POTEC: variants seen among roughly 807,000 people sequenced by gnomAD.
POTEC encodes POTE ankyrin domain family member C, also known as ANKRD26-like family B member 2.
In POTEC, 35 loss-of-function variants were observed where a neutral mutation model predicts 62.0. The ratio of observed to expected loss-of-function variants is 0.56; its 90% CI spans 0.43 to 0.75. POTEC has a LOEUF of 0.75. Among genes scored for constraint, POTEC ranks in the 30% least tolerant of loss-of-function variants. POTEC has a pLI of 0.00. For synonymous variants in POTEC, 156 were observed against 221.5 expected, an observed-to-expected ratio of 0.70 and a Z score of 2.62; for missense variants, 472 against 655.9, an observed-to-expected ratio of 0.72 and a Z score of 3.06.
rs752472831 is a variant in POTEC, at chr18:14,542,673, G to C, written c.474C>G (p.Ile158Met). The C allele has an allele frequency of 5.6e-6, 9 of 1,612,798 alleles. No homozygotes were observed. The Middle Eastern group carries it at 1.1e-3, about 203-fold the overall frequency. The change falls in exon 1 of 11, where the codon ATC becomes ATG. Residue 158 changes from isoleucine (I) to methionine (M), a missense_variant. Around this residue, in one of 5 missense-constraint regions of POTEC, gnomAD observed 257 missense variants for 250.7 expected, o/e 1.03. Coordinates refer to ENST00000358970, the MANE Select transcript of POTEC (RefSeq NM_001137671.2). Reference sequence around the variant, plus strand: ...TCATGTCCGTGTCCCTGAGCATGACGATGAGATCCTTTCTGGGGACCTTAC... The same window carrying C: ...TCATGTCCGTGTCCCTGAGCATGACCATGAGATCCTTTCTGGGGACCTTAC... ...WWGKVPRKDL[I>M]VMLRDTDMNK...
In POTEC at chr18:14,535,013, A is replaced by C. The variant is rs1371203835; in HGVS notation, c.811-6T>G. On this transcript the variant is annotated splice_polypyrimidine_tract_variant and splice_region_variant and intron_variant, in intron 3 of 10. Transcript: ENST00000358970. ...AAAAGTGGTGTGAGGCCACACTGTA[A>C]AACAATATAAAACAAAAACAATATG... 2 of 1,577,200 alleles carry C rather than the reference A, an allele frequency of 1.3e-6. No homozygotes were observed. The highest frequency in any genetic ancestry group is 1.7e-6 in the Non-Finnish European group (2 of 1,162,568).
rs1216079446 is a variant in POTEC, at chr18:14,543,098, G to C, written c.49C>G (p.Pro17Ala). Residue 17 changes from proline to alanine, a missense_variant, in exon 1 of 11, where the codon CCA becomes GCA. Transcript: ENST00000358970. ...SMPAASAVKKPFDLRSKMGKW... is the reference protein window; with the variant it reads ...SMPAASAVKKAFDLRSKMGKW... ...CCCATCTTGCTCCTGAGATCGAATG[G>C]CTTCTTCACAGCAGAGGCAGCGGGC... The C allele has an allele frequency of 1.2e-6, 2 of 1,613,970 alleles. No homozygotes were observed. Among genetic ancestry groups the C allele is most frequent in the South Asian group, 2.2e-5 (2 of 91,076 alleles).
chr18:14,531,556 A>G (rs1905517747), intron 5 of POTEC: 1 of 152,056 alleles, frequency 6.6e-6, no homozygotes, highest in African/African-American at 2.4e-5. Context: ...ACCATCTTCC[A>G]TGACTATTTT....
At chr18:14,525,880 C>A (rs1238949061) in intron 6 of POTEC, among the ~76,000 whole-genome samples, 7 of 152,170 alleles carry the variant, frequency 4.6e-5, no homozygotes, top group Non-Finnish European at 1.0e-4. Flanking sequence ...ACTATTATGA[C>A]AAATTTATAT....
intron 6 of POTEC, chr18:14,529,119 T>A: frequency 2.4e-6 from 1 of 420,860 alleles, no homozygotes; most frequent in Non-Finnish European, 4.7e-6. Flanking sequence ...TCATTCCTCA[T>A]CACATATGTC....
rs574343498 is a variant in POTEC at position 14,535,968 on chromosome 18, C to T, written c.811-961G>A. Among the ~76,000 whole-genome samples the T allele has an allele frequency of 1.1e-4, 16 of 151,962 alleles. No individual in the cohort carries two copies. In the South Asian group the frequency reaches 3.3e-3, roughly 32 times the overall value. ...AATATTCATTTTAATGTCCCAACGA[C>T]AGAGATAAGTCAGACTAGGCCAGGA... On this transcript the variant is annotated intron_variant, in intron 3 of 10. Coordinates refer to ENST00000358970, the MANE Select transcript of POTEC (RefSeq NM_001137671.2).
At chr18:14,537,200 C>CAA (rs1905753050) in intron 3 of POTEC, among the ~76,000 whole-genome samples, 3 of 82,402 alleles carry the variant, frequency 3.6e-5, no homozygotes, top group South Asian at 5.5e-4. Flanking sequence ...CACACACACA[C>CAA]ACACACACAC....
chr18:14,533,197 T>A lies in POTEC; in HGVS notation c.919A>T (p.Thr307Ser). The A allele has an allele frequency of 6.2e-7, 1 of 1,607,680 alleles. No homozygotes were observed. Among genetic ancestry groups the A allele is most frequent in the Non-Finnish European group, 8.5e-7 (1 of 1,178,596 alleles). The change falls in exon 5 of 11, where the codon ACT becomes TCT. Residue 307 changes from threonine to serine, a missense_variant and splice_region_variant. Physicochemically the swap from Thr to Ser is moderately conservative, Grantham distance 58. This residue lies in a region of POTEC where 83 missense variants were observed against 254.3 expected (regional missense o/e 0.33). Coordinates refer to ENST00000358970, the MANE Select transcript of POTEC (RefSeq NM_001137671.2). Reference protein sequence around the residue: ...NLNALDRYGRTALILAVCCGS... With the variant: ...NLNALDRYGRSALILAVCCGS... ...CAACATACAGCAAGTATGAGGGCAG[T>A]TCTAAAATTACAGAGATAATTTCTC...
At chr18:14,514,486 A>G (rs934262388) in intron 9 of POTEC, among the ~76,000 whole-genome samples, 1 of 152,226 alleles carries the variant, frequency 6.6e-6, no homozygotes, top group East Asian at 1.9e-4. Context: ...TATTTTTTGG[A>G]AACAGTTTCC....
chr18:14,521,425 G>C (rs1478196367), intron 9 of POTEC, among the ~76,000 whole-genome samples: 1 of 151,982 alleles, frequency 6.6e-6, no homozygotes, highest in Non-Finnish European at 1.5e-5. Flanking sequence ...TTATTTTCTG[G>C]GTATGAAAAT....
At chr18:14,534,111 T>C in intron 4 of POTEC, among the ~76,000 whole-genome samples, 1 of 123,912 alleles carries the variant, frequency 8.1e-6, no homozygotes, top group African/African-American at 3.1e-5. Flanking sequence ...AGTGTGATAT[T>C]CCCCTTCCTG....
At chr18:14,537,210 CAAAAA>C (rs869231004) in intron 3 of POTEC, among the ~76,000 whole-genome samples, 17 of 65,496 alleles carry the variant, frequency 2.6e-4, no homozygotes, top group African/African-American at 1.4e-3. Flanking sequence ...CACACACACA[CAAAAA>C]AAAAAAAAAA....
At position 14,542,666 on chromosome 18, in the gene POTEC, G is replaced by C. The variant is rs1225821938; in HGVS notation, c.481C>G (p.Leu161Val). 2 of 1,612,782 alleles carry C rather than the reference G, an allele frequency of 1.2e-6. No individual in the cohort carries two copies. The highest frequency in any genetic ancestry group is 2.2e-5 in the East Asian group (1 of 44,850). The change falls in exon 1 of 11, where the codon CTC becomes GTC. Residue 161 changes from leucine to valine, a missense_variant. Leu to Val is a conservative substitution (Grantham distance 32, BLOSUM62 1). Transcript: ENST00000358970. ...KVPRKDLIVM[L>V]RDTDMNKRDK... ...CTCTTGTTCATGTCCGTGTCCCTGA[G>C]CATGACGATGAGATCCTTTCTGGGG...
At chr18:14,533,525 C>T (rs1382850517) in intron 4 of POTEC, among the ~76,000 whole-genome samples, 2 of 152,070 alleles carry the variant, frequency 1.3e-5, no homozygotes, top group Non-Finnish European at 2.9e-5. Context: ...AAGATTTTGT[C>T]ACAGCTTCCC....
At position 14,543,230 on chromosome 18, in the gene POTEC, G is replaced by C. The variant is rs1046797856; in HGVS notation, c.-84C>G. 20 of 1,564,612 alleles carry C rather than the reference G, an allele frequency of 1.3e-5. No homozygotes were observed. In the African/African-American group the frequency reaches 2.3e-4, roughly 18 times the overall value. On this transcript the variant is annotated 5_prime_UTR_variant, in exon 1 of 11. Transcript: ENST00000358970. ...TTTCACCAACTAGCAGGAAACCCTGGGTTTCCAATCTGTTTGAAGAGAAAG... is the reference window on the plus strand; with the variant it reads ...TTTCACCAACTAGCAGGAAACCCTGCGTTTCCAATCTGTTTGAAGAGAAAG...
intron 6 of POTEC, among the ~76,000 whole-genome samples, chr18:14,525,246 T>C (rs571779353): frequency 6.6e-6 from 1 of 152,106 alleles, no homozygotes. Flanking sequence ...TAAAATACAG[T>C]AGAAACATAT....
In POTEC at chr18:14,510,791, T is replaced by G; in HGVS notation, c.*1107A>C. On this transcript the variant is annotated 3_prime_UTR_variant, in exon 11 of 11. Transcript: ENST00000358970. ...GTTTTTGTAGAGTGGCTATGCTGTG[T>G]GGGGGGTTCACTTCAGCCCCTGGTC... 6.6e-6 allele frequency: 1 copy of G among 152,138 alleles called. No individual in the cohort carries two copies. The highest frequency in any genetic ancestry group is 1.5e-5 in the Non-Finnish European group (1 of 68,060). 9.4% of individuals were successfully genotyped at this position (152,138 alleles called of 1,614,324 possible).
In POTEC at chr18:14,533,156, T is replaced by A; in HGVS notation, c.960A>T (p.Ile320=). The change falls in exon 5 of 11, where the codon ATA becomes ATT. Residue 320 remains isoleucine (I), a synonymous_variant. Transcript: ENST00000358970. The stretch of plus-strand genomic sequence containing the variant: ...CATTTTGCTCAAGGAGAAGATTGAC[T>A]ATACTTGCTGATCCACAACATACAG... ...ILAVCCGSAS[I]VNLLLEQNVD... The A allele has an allele frequency of 6.2e-7, 1 of 1,611,526 alleles. No individual in the cohort carries two copies. Among genetic ancestry groups the A allele is most frequent in the Non-Finnish European group, 8.5e-7 (1 of 1,179,554 alleles).
intron 1 of POTEC, among the ~76,000 whole-genome samples, chr18:14,541,936 T>C (rs947995504): frequency 7.2e-5 from 11 of 152,256 alleles, no homozygotes; most frequent in African/African-American, 2.7e-4. Flanking sequence ...GTAAACAATT[T>C]GTGGAAATAA....
Sources: allele counts gnomAD v4.1 joint callset (sites outside exome capture counted in the v4.1 genomes callset), GRCh38; gene constraint gnomAD v4.1.1; regional missense constraint gnomAD v4.1.1; transcripts MANE v1.5; gene names NCBI Gene and HGNC (gene_info 2026-07-23, HGNC 2026-07-21).